SNRPN: variants seen among roughly 807,000 people sequenced by gnomAD.
The protein encoded by SNRPN is small nuclear ribonucleoprotein polypeptide N.
A neutral mutation model predicts 25.2 loss-of-function variants in SNRPN; 7 were observed. That is an observed-to-expected ratio of 0.28 (90% confidence interval 0.16 to 0.52). The LOEUF (loss-of-function observed/expected upper bound fraction) is 0.52, where lower values mean the gene tolerates loss of function less well. Among genes scored for constraint, SNRPN ranks in the 20% least tolerant of loss-of-function variants. SNRPN has a pLI of 0.96. For synonymous variants in SNRPN, 124 were observed against 110.6 expected (o/e 1.12, Z -0.76); for missense variants, 196 against 322.5 (o/e 0.61, Z 3.00).
At chr15:24,911,208 A>C (rs2152124674) in intron 2 of SNRPN, 1 of 475,204 alleles carries the variant, frequency 2.1e-6, no homozygotes, top group Non-Finnish European at 3.6e-6. Context: ...GATTTGGAAA[A>C]TTAACAGCCT....
At chr15:24,907,851 G>A (rs943949044) in intron 2 of SNRPN, among the ~76,000 whole-genome samples, 6 of 151,828 alleles carry the variant, frequency 4.0e-5, no homozygotes, top group Admixed American at 6.6e-5. Flanking sequence ...TCAGGAATTC[G>A]AGACCAGCCT....
intron 1 of SNRPN, among the ~76,000 whole-genome samples, chr15:24,877,723 G>A (rs772607689): frequency 6.3e-4 from 95 of 151,824 alleles, no homozygotes; most frequent in Non-Finnish European, 1.1e-3. Flanking sequence ...GCAGTGGCGC[G>A]CGCCTGTAAT....
Position 24,929,698 on chromosome 15 carries a change from G to A in SNRPN, c.-391+9574G>A, listed in dbSNP as rs1373413005. On this transcript the variant is annotated intron_variant, in intron 3 of 11. Transcript: ENST00000400097. The surrounding 1 kb of genome is among the most constrained non-coding windows in gnomAD (Gnocchi z 5.3). ...AAGGCATAAACACATTTTCTTCCAAGTGGAGTCCAGCATATTTTATTTTCC... is the reference window on the plus strand; with the variant it reads ...AAGGCATAAACACATTTTCTTCCAAATGGAGTCCAGCATATTTTATTTTCC... Among the ~76,000 whole-genome samples, 1 of 152,166 alleles carries A rather than the reference G, an allele frequency of 6.6e-6. No homozygotes were observed. The highest frequency in any genetic ancestry group is 1.9e-4 in the East Asian group (1 of 5,184).
In SNRPN at chr15:24,909,547, C is replaced by T. The variant is rs558260994; in HGVS notation, c.-504-10464C>T. On this transcript the variant is annotated intron_variant, in intron 2 of 11. Coordinates refer to the SNRPN transcript ENST00000400097. ...TACAATATGCTGCAGCATAATTTGT[C>T]GGGCCAACCTTCACACCATATTTTG... 1.1e-4 allele frequency: 152 copies of T among 1,443,236 alleles called. No homozygotes were observed. In the African/African-American group the frequency reaches 1.6e-3, roughly 15 times the overall value. 89.4% of individuals were successfully genotyped at this position (1,443,236 alleles called of 1,614,324 possible).
At chr15:24,947,122 C>T (rs1041166627) in intron 3 of SNRPN, among the ~76,000 whole-genome samples, 21 of 151,926 alleles carry the variant, frequency 1.4e-4, no homozygotes, top group Admixed American at 6.6e-4. Context: ...ATGTATATGC[C>T]TTTTATATTT....
At chr15:24,843,158 C>T (rs1198409510) in intron 2 of SNRPN, among the ~76,000 whole-genome samples, 2 of 152,100 alleles carry the variant, frequency 1.3e-5, no homozygotes, top group Admixed American at 6.6e-5. Context: ...ACTGCAACCT[C>T]CACCTCCTGG....
chr15:24,849,764 A>G (rs2052638243), intron 2 of SNRPN: 1 of 152,186 alleles, frequency 6.6e-6, no homozygotes, highest in African/African-American at 2.4e-5. Flanking sequence ...AGGGCCATCC[A>G]CTGAAAGTTA....
At chr15:24,848,024 G>A (rs2052356099) in intron 2 of SNRPN, among the ~76,000 whole-genome samples, 1 of 151,958 alleles carries the variant, frequency 6.6e-6, no homozygotes, top group Non-Finnish European at 1.5e-5. Flanking sequence ...TTTCCACTCT[G>A]ATGGAGAAGT....
intron 3 of SNRPN, among the ~76,000 whole-genome samples, chr15:24,928,484 A>C (rs920817148): frequency 1.3e-5 from 2 of 152,148 alleles, no homozygotes; most frequent in African/African-American, 2.4e-5. Context: ...GCACAGAAAT[A>C]TAAATAGCTT....
chr15:24,956,734 C>T (rs1208391244), intron 1 of SNRPN, among the ~76,000 whole-genome samples: 2 of 152,184 alleles, frequency 1.3e-5, no homozygotes, highest in African/African-American at 2.4e-5. Flanking sequence ...GCGCAGGCTC[C>T]GCCTAGCAAG....
chr15:24,933,015 G>A (rs529643332), intron 3 of SNRPN, among the ~76,000 whole-genome samples: 51 of 152,144 alleles, frequency 3.4e-4, no homozygotes, highest in African/African-American at 1.1e-3. Flanking sequence ...TAATCCCAGC[G>A]CTTTGGGAGG....
intron 2 of SNRPN, among the ~76,000 whole-genome samples, chr15:24,917,856 C>A (rs1169936104): frequency 6.6e-6 from 1 of 152,190 alleles, no homozygotes; most frequent in East Asian, 1.9e-4. Flanking sequence ...TTTAAAAGAG[C>A]CAACTTCCCT....
At position 24,911,372 on chromosome 15, in the gene SNRPN, G is replaced by T. The variant is rs188493174; in HGVS notation, c.-504-8639G>T. On this transcript the variant is annotated intron_variant, in intron 2 of 11. Transcript: ENST00000400097. The stretch of plus-strand genomic sequence containing the variant: ...CCCTGAAGACATTTCAGAGAGCACT[G>T]AGAATGCCACAACCATCACAGGCCC... Among the ~76,000 whole-genome samples, 12 of 152,268 alleles carry T rather than the reference G, an allele frequency of 7.9e-5. No individual in the cohort carries two copies. The East Asian group carries it at 1.4e-3, about 17-fold the overall frequency.
chr15:24,893,297 C>T lies in SNRPN; in HGVS notation c.-505+6708C>T, dbSNP rs1006385368. Among the ~76,000 whole-genome samples, 4 of 151,558 alleles carry T rather than the reference C, an allele frequency of 2.6e-5. 1 individual carries two copies. Among genetic ancestry groups the T allele is most frequent in the African/African-American group, 9.7e-5 (4 of 41,262 alleles). On this transcript the variant is annotated intron_variant, in intron 2 of 11. Transcript: ENST00000400097. ...CTGTAACTATCAGCTTCCCATTAGG[C>T]CAACTATTGATCATAGAGGTCTTAA...
intron 3 of SNRPN, among the ~76,000 whole-genome samples, chr15:24,936,850 T>C (rs1419117732): frequency 6.6e-6 from 1 of 152,100 alleles, no homozygotes; most frequent in African/African-American, 2.4e-5. Context: ...GGGCACAGAC[T>C]CAAACCACAT....
chr15:24,894,379 T>G (rs1224227344), intron 2 of SNRPN, among the ~76,000 whole-genome samples: 2 of 152,104 alleles, frequency 1.3e-5, no homozygotes, highest in African/African-American at 2.4e-5. Context: ...CCACCACGCC[T>G]GGCTAATTTT....
At chr15:24,847,643 TAATAA>T (rs1407288228) in intron 2 of SNRPN, among the ~76,000 whole-genome samples, 2 of 152,094 alleles carry the variant, frequency 1.3e-5, no homozygotes. Flanking sequence ...TCCCTCAAAA[TAATAA>T]AATAATATTG....
chr15:24,970,382 C>T (rs1226433796), intron 3 of SNRPN, among the ~76,000 whole-genome samples: 3 of 152,128 alleles, frequency 2.0e-5, no homozygotes, highest in East Asian at 3.9e-4. Flanking sequence ...AAGTTCGAGA[C>T]CAACCTGGCC....
chr15:24,950,860 T>C (rs1190904667), upstream of SNRPN, among the ~76,000 whole-genome samples: 4 of 139,736 alleles, frequency 2.9e-5, no homozygotes, highest in Non-Finnish European at 6.3e-5. Context: ...TATGTTTTCC[T>C]TTTTTTTTTT....
Sources: allele counts gnomAD v4.1 joint callset (sites outside exome capture counted in the v4.1 genomes callset), GRCh38; gene constraint gnomAD v4.1.1; non-coding constraint Gnocchi (gnomAD v3.1); transcripts MANE v1.5; gene names NCBI Gene and HGNC (gene_info 2026-07-23, HGNC 2026-07-21).